MTUS2: variants seen among roughly 807,000 people sequenced by gnomAD.
MTUS2 encodes the protein microtubule associated scaffold protein 2.
Under a neutral mutation model 114.1 loss-of-function variants are expected in MTUS2, and 40 were observed. That is an observed-to-expected ratio of 0.35 (90% CI 0.27 to 0.46). MTUS2 has a LOEUF of 0.46. Among genes scored for constraint, MTUS2 ranks in the 20% least tolerant of loss-of-function variants. The pLI, the probability that MTUS2 is intolerant of heterozygous loss-of-function variation, is 1.00. For missense variants in MTUS2, 1,679 were observed against 1,705.4 expected, an observed-to-expected ratio of 0.98 and a Z score of 0.27; for synonymous variants, 688 against 672.0, an observed-to-expected ratio of 1.02 and a Z score of -0.37.
At chr13:29,194,756 A>G (rs1221127989) in intron 5 of MTUS2, among the ~76,000 whole-genome samples, 1 of 151,920 alleles carries the variant, frequency 6.6e-6, no homozygotes, top group African/African-American at 2.4e-5. Flanking sequence ...TATATACCCA[A>G]AGGACTATAA....
intron 2 of MTUS2, among the ~76,000 whole-genome samples, chr13:28,909,892 A>T (rs1880297578): frequency 6.6e-6 from 1 of 151,974 alleles, no homozygotes; most frequent in Non-Finnish European, 1.5e-5. Flanking sequence ...GTTTCTTTTT[A>T]TTTTTTAATT....
intron 8 of MTUS2, among the ~76,000 whole-genome samples, chr13:29,422,975 G>A (rs938915997): frequency 2.6e-5 from 4 of 152,178 alleles, no homozygotes; most frequent in African/African-American, 9.7e-5. Context: ...AACCTTCATT[G>A]TATTTGCCTT....
In MTUS2 at chr13:29,314,489, G is replaced by A. The variant is rs112033167; in HGVS notation, c.2807-10124G>A. On this transcript the variant is annotated intron_variant, in intron 6 of 15. Coordinates refer to ENST00000612955, the MANE Select transcript of MTUS2 (RefSeq NM_001033602.4). The stretch of plus-strand genomic sequence containing the variant: ...TAACCAAAAATGGTACAACTGTATT[G>A]CAATGATGGGGGAGGTAGTGTGGAA... Among the ~76,000 whole-genome samples the A allele has an allele frequency of 6.2e-3, 944 of 152,268 alleles. 13 individuals are homozygous for A. Among genetic ancestry groups the A allele is most frequent in the African/African-American group, 0.022 (900 of 41,570 alleles).
intron 2 of MTUS2, among the ~76,000 whole-genome samples, chr13:28,985,089 G>C (rs537021366): frequency 6.6e-6 from 1 of 152,320 alleles, no homozygotes; most frequent in East Asian, 1.9e-4. Context: ...AGATTCCAAA[G>C]AGCTGATTCA....
chr13:28,830,300 T>C (rs770091412), intron 1 of MTUS2, among the ~76,000 whole-genome samples: 8 of 152,026 alleles, frequency 5.3e-5, no homozygotes, highest in Non-Finnish European at 1.0e-4. Flanking sequence ...AACAAAAGTA[T>C]CCCTGAGAAA....
intron 5 of MTUS2, among the ~76,000 whole-genome samples, chr13:29,237,360 A>G (rs1418102716): frequency 6.6e-6 from 1 of 151,990 alleles, no homozygotes; most frequent in Non-Finnish European, 1.5e-5. Flanking sequence ...CTCAGCCTAG[A>G]TTTCCTGAGT....
intron 2 of MTUS2, among the ~76,000 whole-genome samples, chr13:28,927,565 C>T (rs1313366824): frequency 6.6e-6 from 1 of 152,108 alleles, no homozygotes; most frequent in Non-Finnish European, 1.5e-5. Flanking sequence ...GACCTTGTCT[C>T]TTAAAAAATG....
intron 5 of MTUS2, among the ~76,000 whole-genome samples, chr13:29,252,672 C>T (rs988205581): frequency 2.0e-5 from 3 of 152,084 alleles, no homozygotes; most frequent in Non-Finnish European, 2.9e-5. Flanking sequence ...AATAATTGAA[C>T]CATGGGGGCA....
chr13:29,129,162 G>A (rs1361901219), intron 5 of MTUS2, among the ~76,000 whole-genome samples: 1 of 148,650 alleles, frequency 6.7e-6, no homozygotes, highest in African/African-American at 2.5e-5. Context: ...TTCAGGTATT[G>A]GAATGGAACT....
chr13:29,187,906 C>A (rs554636337), intron 5 of MTUS2, among the ~76,000 whole-genome samples: 129 of 152,160 alleles, frequency 8.5e-4, no homozygotes, highest in Non-Finnish European at 1.0e-3. Flanking sequence ...CCCATCTGTT[C>A]CCAAAGTACA....
At chr13:28,853,362 T>C (rs1876419644) in intron 2 of MTUS2, among the ~76,000 whole-genome samples, 1 of 152,242 alleles carries the variant, frequency 6.6e-6, no homozygotes, top group Admixed American at 6.5e-5. Flanking sequence ...ATATTCCTCT[T>C]CTCTAGAACG....
intron 5 of MTUS2, among the ~76,000 whole-genome samples, chr13:29,203,724 A>G (rs1324321551): frequency 6.6e-6 from 1 of 152,060 alleles, no homozygotes; most frequent in Non-Finnish European, 1.5e-5. Flanking sequence ...CTGGGCTGGA[A>G]TGCACTGTTA....
At chr13:28,984,612 G>T (rs1884497442) in intron 2 of MTUS2, among the ~76,000 whole-genome samples, 1 of 152,214 alleles carries the variant, frequency 6.6e-6, no homozygotes, top group African/African-American at 2.4e-5. Flanking sequence ...ATCTGATGGA[G>T]CTGTATTTGG....
intron 6 of MTUS2, among the ~76,000 whole-genome samples, chr13:29,299,254 CAGA>C (rs1899085560): frequency 6.6e-6 from 1 of 152,102 alleles, no homozygotes; most frequent in Non-Finnish European, 1.5e-5. Flanking sequence ...TCTTTCTGGC[CAGA>C]AGAAGGAAAG....
At chr13:29,022,775 C>T (rs1566298700) in intron 2 of MTUS2, among the ~76,000 whole-genome samples, 2 of 152,206 alleles carry the variant, frequency 1.3e-5, no homozygotes, top group Non-Finnish European at 2.9e-5. Context: ...ACAATGTCAA[C>T]CTTGAATAGA....
intron 5 of MTUS2, among the ~76,000 whole-genome samples, chr13:29,147,456 T>C (rs1241578115): frequency 2.0e-5 from 3 of 152,124 alleles, no homozygotes; most frequent in African/African-American, 7.2e-5. Context: ...TACTTTTAGA[T>C]TGAGGGGGTA....
chr13:28,975,790 A>G (rs1884067153), intron 2 of MTUS2, among the ~76,000 whole-genome samples: 2 of 152,002 alleles, frequency 1.3e-5, no homozygotes, highest in Admixed American at 1.3e-4. Context: ...CCTTTTTGAA[A>G]CTCAGCTTAT....
At chr13:29,008,218 AG>A (rs888470750) in intron 2 of MTUS2, among the ~76,000 whole-genome samples, 1 of 152,162 alleles carries the variant, frequency 6.6e-6, no homozygotes, top group Admixed American at 6.5e-5. Flanking sequence ...TCCTGCCCTG[AG>A]GGGAAAAGCC....
intron 8 of MTUS2, among the ~76,000 whole-genome samples, chr13:29,407,520 C>G (rs9579369): frequency 0.19 from 27,909 of 150,374 alleles, 2,767 homozygotes; most frequent in Middle Eastern, 0.25. Context: ...TCTTGTTGCC[C>G]AGGCTGGAGT....
Sources: gnomAD v4.1 joint callset for allele counts (sites outside exome capture counted in the v4.1 genomes callset) on GRCh38, gnomAD v4.1.1 for gene constraint, MANE v1.5 for transcripts, NCBI Gene and HGNC (gene_info 2026-07-23, HGNC 2026-07-21) for gene names.